AHI1: variants seen among roughly 807,000 people sequenced by gnomAD.
The protein encoded by AHI1 is Abelson helper integration site 1.
In AHI1, 123 loss-of-function variants were observed where a neutral mutation model predicts 149.3. That is an observed-to-expected ratio of 0.82 (90% CI 0.71 to 0.96). The LOEUF is 0.96. Among genes scored for constraint, AHI1 ranks in the 40% least tolerant of loss-of-function variants. The pLI, the probability that AHI1 is intolerant of heterozygous loss-of-function variation, is 0.00. For missense variants in AHI1, 1,439 were observed against 1,422.7 expected (o/e 1.01, Z -0.18); for synonymous variants, 475 against 459.8 (o/e 1.03, Z -0.42).
chr6:135,346,752 C>T (rs1791292784), intron 24 of AHI1, among the ~76,000 whole-genome samples: 1 of 152,060 alleles, frequency 6.6e-6, no homozygotes, highest in Admixed American at 6.6e-5. Flanking sequence ...CTCCTCATTC[C>T]TTCACTCCTT....
chr6:135,307,362 GA>G (rs1443457410), intron 26 of AHI1, among the ~76,000 whole-genome samples: 1 of 152,094 alleles, frequency 6.6e-6, no homozygotes, highest in Non-Finnish European at 1.5e-5. Flanking sequence ...CATAGTTTAT[GA>G]AAAGATTAGC....
At position 135,457,715 on chromosome 6, in the gene AHI1, T is replaced by C; in HGVS notation, c.932-2A>G. ...CAACATCTTCATTATTATCTGCAAC[T>C]ACACGCATGGAAAAAAAAATCAATG... On this transcript the variant is annotated splice_acceptor_variant, in intron 8 of 28. Coordinates refer to ENST00000265602, the MANE Select transcript of AHI1 (RefSeq NM_001134831.2). LOFTEE classifies it high-confidence loss of function. 6.2e-7 allele frequency: 1 copy of C among 1,612,708 alleles called. No homozygotes were observed. The highest frequency in any genetic ancestry group is 1.1e-5 in the South Asian group (1 of 91,022).
At chr6:135,409,494 G>A (rs1305262080) in intron 21 of AHI1, among the ~76,000 whole-genome samples, 2 of 152,018 alleles carry the variant, frequency 1.3e-5, no homozygotes, top group Non-Finnish European at 2.9e-5. Flanking sequence ...ATATGTAAAT[G>A]GACTGTATTT....
intron 25 of AHI1, among the ~76,000 whole-genome samples, 166 bp downstream of exon 25, chr6:135,322,996 G>A (rs911107671): frequency 5.9e-5 from 9 of 152,186 alleles, no homozygotes; most frequent in Admixed American, 2.0e-4. Flanking sequence ...TAATGTACTA[G>A]TGCCTCCTCT....
At position 135,309,782 on chromosome 6, in the gene AHI1, G is replaced by A. The variant is rs78153131; in HGVS notation, c.3426+8737C>T. ...CAGACGTGAGCCACCGCGCCCGCCC[G>A]CAGGTTAGTTTTAACTTACTTATAA... is the stretch of plus-strand genomic sequence containing the variant. On this transcript the variant is annotated intron_variant, in intron 26 of 28. Transcript: ENST00000265602. 5.2e-3 allele frequency among the ~76,000 whole-genome samples: 786 copies of A among 151,996 alleles called. 2 individuals carry two copies. Among genetic ancestry groups the A allele is most frequent in the Non-Finnish European group, 7.5e-3 (509 of 67,946 alleles).
At chr6:135,459,646 A>G (rs1396934817) in intron 8 of AHI1, among the ~76,000 whole-genome samples, 1 of 151,956 alleles carries the variant, frequency 6.6e-6, no homozygotes, top group Admixed American at 6.6e-5. Context: ...GAATGAAAAC[A>G]TGGGACAGCC....
chr6:135,389,962 G>A (rs1411674221), intron 23 of AHI1, among the ~76,000 whole-genome samples: 1 of 151,998 alleles, frequency 6.6e-6, no homozygotes, highest in Non-Finnish European at 1.5e-5. Context: ...TTTGAATGTG[G>A]CTCAACATAA....
chr6:135,423,660 G>A (rs1783532538), intron 20 of AHI1, among the ~76,000 whole-genome samples: 1 of 152,096 alleles, frequency 6.6e-6, no homozygotes, highest in Admixed American at 6.6e-5. Context: ...GGTAATCTGA[G>A]TCTGATTCCT....
At chr6:135,363,925 G>A (rs1172551505) in intron 23 of AHI1, among the ~76,000 whole-genome samples, 30 of 149,148 alleles carry the variant, frequency 2.0e-4, no homozygotes, top group Non-Finnish European at 4.0e-4. Flanking sequence ...CGGATGGGGC[G>A]GCTGGCCGGG....
chr6:135,285,548 T>C lies in AHI1; in HGVS notation c.*97A>G, dbSNP rs1781574833. 1 of 1,248,976 alleles carries C rather than the reference T, an allele frequency of 8.0e-7. No individual in the cohort carries two copies. Among genetic ancestry groups the C allele is most frequent in the South Asian group, 1.3e-5 (1 of 79,156 alleles). The allele number at this position is 1,248,976 out of a possible 1,614,324, so 77.4% of individuals were successfully genotyped here. Reference sequence around the variant, plus strand: ...AAGTAGTGGATCCTTTCTTCCTCCTTAGTATCTGAAAATTCTGAACTCTGA... The same window carrying C: ...AAGTAGTGGATCCTTTCTTCCTCCTCAGTATCTGAAAATTCTGAACTCTGA... On this transcript the variant is annotated 3_prime_UTR_variant, in exon 29 of 29. Coordinates refer to ENST00000265602, the MANE Select transcript of AHI1 (RefSeq NM_001134831.2).
At chr6:135,330,060 T>G (rs1788313031) in intron 24 of AHI1, among the ~76,000 whole-genome samples, 2 of 152,250 alleles carry the variant, frequency 1.3e-5, no homozygotes, top group African/African-American at 4.8e-5. Flanking sequence ...TTTCTTCAGA[T>G]GGAATCTACT....
intron 5 of AHI1, among the ~76,000 whole-genome samples, chr6:135,472,205 T>C (rs1386252589): frequency 1.3e-5 from 2 of 152,098 alleles, no homozygotes; most frequent in South Asian, 2.1e-4. Flanking sequence ...CTTCCCTCCA[T>C]GCTCTGACCC....
chr6:135,295,139 T>C, intron 27 of AHI1, among the ~76,000 whole-genome samples: 1 of 152,164 alleles, frequency 6.6e-6, no homozygotes, highest in East Asian at 1.9e-4. Context: ...CCAAAGAAGA[T>C]GTATGCATAG....
At chr6:135,492,029 T>C (rs1472859272) in intron 4 of AHI1, among the ~76,000 whole-genome samples, 199 bp downstream of exon 4, 1 of 152,204 alleles carries the variant, frequency 6.6e-6, no homozygotes, top group African/African-American at 2.4e-5. Flanking sequence ...CTACCATCCA[T>C]TAAATACATA....
At chr6:135,350,383 T>G (rs553078078) in intron 24 of AHI1, among the ~76,000 whole-genome samples, 1 of 152,354 alleles carries the variant, frequency 6.6e-6, no homozygotes, top group African/African-American at 2.4e-5. Context: ...TGAGGGCTCT[T>G]CTTCCAGCTT....
chr6:135,336,739 T>G (rs192143324), intron 24 of AHI1, among the ~76,000 whole-genome samples: 1 of 152,342 alleles, frequency 6.6e-6, no homozygotes, highest in Admixed American at 6.5e-5. Context: ...CTCTCAGCAT[T>G]GATGTTCATT....
chr6:135,301,050 C>G, intron 26 of AHI1: 4 of 984,820 alleles, frequency 4.1e-6, no homozygotes, highest in Non-Finnish European at 4.8e-6. Context: ...ATTAATGGCA[C>G]CTTCGTGAGA....
chr6:135,447,276 C>G (rs548942913), intron 12 of AHI1, 116 bp from the exon 13 acceptor site: 2 of 749,116 alleles, frequency 2.7e-6, no homozygotes, highest in Non-Finnish European at 1.9e-6. Flanking sequence ...AAAATGTAAT[C>G]CAGAAAAAAA....
chr6:135,446,169 C>T (rs1787180071), intron 13 of AHI1, among the ~76,000 whole-genome samples: 1 of 152,280 alleles, frequency 6.6e-6, no homozygotes, highest in Middle Eastern at 3.4e-3. Flanking sequence ...CTCACACCCC[C>T]ACCCCTTGTC....
Sources: allele counts gnomAD v4.1 joint callset (sites outside exome capture counted in the v4.1 genomes callset), GRCh38; gene constraint gnomAD v4.1.1; transcripts MANE v1.5; gene names NCBI Gene and HGNC (gene_info 2026-07-23, HGNC 2026-07-21).